Variants in PBX4 observed in about 807,000 individuals in gnomAD.
PBX4 encodes the protein pre-B-cell leukemia transcription factor 4.
In PBX4, 26 loss-of-function variants were observed where a neutral mutation model predicts 35.1. That is an observed-to-expected ratio of 0.74 (90% CI 0.54 to 1.03). The LOEUF (loss-of-function observed/expected upper bound fraction) is 1.03, where lower values mean the gene tolerates loss of function less well. Among genes scored for constraint, PBX4 ranks in the 50% least tolerant of loss-of-function variants. PBX4 has a pLI of 0.00. For missense variants in PBX4, 448 were observed against 504.3 expected, an observed-to-expected ratio of 0.89 and a Z score of 1.07; for synonymous variants, 199 against 204.2, an observed-to-expected ratio of 0.97 and a Z score of 0.22.
chr19:19,561,895 G>A lies in PBX4; in HGVS notation c.*130C>T. On this transcript the variant is annotated 3_prime_UTR_variant, in exon 8 of 8. Transcript: ENST00000251203. ...AGCCGGCGCCACGGGCCTGGCTGAG[G>A]AGCAGGGGCTCATGGGCACCACCAC... is the stretch of plus-strand genomic sequence containing the variant. The A allele has an allele frequency of 1.4e-6, 1 of 702,268 alleles. No homozygotes were observed. The highest frequency in any genetic ancestry group is 2.0e-5 in the South Asian group (1 of 48,908). 43.5% of individuals were successfully genotyped at this position (702,268 alleles called of 1,614,324 possible).
intron 2 of PBX4, among the ~76,000 whole-genome samples, chr19:19,574,218 AC>A (rs1371849804): frequency 6.6e-6 from 1 of 152,148 alleles, no homozygotes; most frequent in Non-Finnish European, 1.5e-5. Context: ...AAAAATCATC[AC>A]CAGGAATGAG....
chr19:19,599,954 C>G (rs1384590788), intron 1 of PBX4, among the ~76,000 whole-genome samples: 1 of 138,526 alleles, frequency 7.2e-6, no homozygotes, highest in Non-Finnish European at 1.5e-5. Flanking sequence ...GCCTAAGTGA[C>G]AGAGTGAGAC....
chr19:19,590,588 C>A (rs1351164335), intron 2 of PBX4, among the ~76,000 whole-genome samples: 1 of 151,926 alleles, frequency 6.6e-6, no homozygotes, highest in Non-Finnish European at 1.5e-5. Flanking sequence ...CGCGCCTCAG[C>A]CTCCCGATTA....
chr19:19,590,408 C>T (rs943476176), intron 2 of PBX4, among the ~76,000 whole-genome samples: 3 of 152,110 alleles, frequency 2.0e-5, no homozygotes, highest in African/African-American at 7.2e-5. Context: ...ATACTTCATT[C>T]CTCTTTATGG....
chr19:19,585,119 T>A (rs989345325), intron 2 of PBX4, among the ~76,000 whole-genome samples: 1 of 151,902 alleles, frequency 6.6e-6, no homozygotes, highest in Non-Finnish European at 1.5e-5. Flanking sequence ...TTCTGTTCTC[T>A]GAGGCAGACC....
At position 19,602,737 on chromosome 19, in the gene PBX4, G is replaced by GTTT. The variant is rs112277891; in HGVS notation, c.120-3375_120-3373dup. On this transcript the variant is annotated intron_variant, in intron 1 of 7. Coordinates refer to ENST00000251203, the MANE Select transcript of PBX4 (RefSeq NM_025245.3). ...GGCATGAGCCTGGACTATTAATTAT[G>GTTT]TTTTTTTTTTATCTTGCTTTGACAT... is the stretch of plus-strand genomic sequence containing the variant. Among the ~76,000 whole-genome samples the GTTT allele has an allele frequency of 3.1e-3, 460 of 150,552 alleles. 4 individuals are homozygous for GTTT. Among genetic ancestry groups the GTTT allele is most frequent in the African/African-American group, 0.01 (425 of 41,082 alleles).
Position 19,591,685 on chromosome 19 carries a change from C to T in PBX4, c.193+7607G>A, listed in dbSNP as rs774590721. 3.9e-5 allele frequency among the ~76,000 whole-genome samples: 6 copies of T among 152,258 alleles called. No homozygotes were observed. The East Asian group carries it at 7.7e-4, about 20-fold the overall frequency. The stretch of plus-strand genomic sequence containing the variant: ...ACCGCCTCGGAGCTGCCTACCCACT[C>T]GAGATCTGAGATCCGAAGCTTTTCA... On this transcript the variant is annotated intron_variant, in intron 2 of 7. Coordinates refer to ENST00000251203, the MANE Select transcript of PBX4 (RefSeq NM_025245.3).
intron 2 of PBX4, among the ~76,000 whole-genome samples, chr19:19,572,208 G>A (rs892469670): frequency 1.3e-5 from 2 of 150,862 alleles, no homozygotes; most frequent in African/African-American, 4.9e-5. Context: ...CCGAGTAGCT[G>A]GGACTACACA....
In PBX4 at chr19:19,595,963, T is replaced by C. The variant is rs535216803; in HGVS notation, c.193+3329A>G. 7.9e-5 allele frequency among the ~76,000 whole-genome samples: 12 copies of C among 152,282 alleles called. No individual in the cohort carries two copies. In the East Asian group the frequency reaches 2.1e-3, roughly 27 times the overall value. ...AGATATTGGAGTGGGCCAGGTACAGTGGCTCATGCATGTAATCCCAGCACT... is the reference window on the plus strand; with the variant it reads ...AGATATTGGAGTGGGCCAGGTACAGCGGCTCATGCATGTAATCCCAGCACT... On this transcript the variant is annotated intron_variant, in intron 2 of 7. Transcript: ENST00000251203.
chr19:19,565,746 C>T (rs1469720614), intron 5 of PBX4, among the ~76,000 whole-genome samples: 1 of 151,804 alleles, frequency 6.6e-6, no homozygotes, highest in African/African-American at 2.4e-5. Flanking sequence ...GGAGAAACCC[C>T]ATCTCTACTA....
At chr19:19,571,613 G>A (rs1022473087) in intron 2 of PBX4, among the ~76,000 whole-genome samples, 1 of 152,156 alleles carries the variant, frequency 6.6e-6, no homozygotes, top group African/African-American at 2.4e-5. Flanking sequence ...TGGGACACGG[G>A]TGTCAGAGAA....
intron 2 of PBX4, among the ~76,000 whole-genome samples, chr19:19,583,209 G>A (rs1258084641): frequency 1.3e-5 from 2 of 152,146 alleles, no homozygotes; most frequent in East Asian, 1.9e-4. Flanking sequence ...AACCTGGGAG[G>A]TGGAGCTTGC....
intron 2 of PBX4, among the ~76,000 whole-genome samples, chr19:19,585,822 C>T (rs1022065690): frequency 6.6e-6 from 1 of 152,164 alleles, no homozygotes; most frequent in African/African-American, 2.4e-5. Flanking sequence ...CTCCTAACTT[C>T]ACCGCCTATC....
Position 19,569,460 on chromosome 19 carries a change from T to A in PBX4, c.757A>T (p.Thr253Ser), listed in dbSNP as rs547605373. The A allele has an allele frequency of 1.1e-5, 18 of 1,611,462 alleles. No homozygotes were observed. In the South Asian group the frequency reaches 2.0e-4, roughly 18 times the overall value. ...GGAGAGAACGTCACCTGGGAGATGGTGAGGCCGCCCTTCCTGGCCAGCTCT... is the reference window on the plus strand; with the variant it reads ...GGAGAGAACGTCACCTGGGAGATGGAGAGGCCGCCCTTCCTGGCCAGCTCT... ...KEELARKGGL[T>S]ISQVSNWFGN... Residue 253 changes from threonine to serine, a missense_variant, in exon 5 of 8, where the codon ACC becomes TCC. Transcript: ENST00000251203.
At chr19:19,576,395 T>G (rs1239042724) in intron 2 of PBX4, among the ~76,000 whole-genome samples, 1 of 152,022 alleles carries the variant, frequency 6.6e-6, no homozygotes, top group African/African-American at 2.4e-5. Flanking sequence ...CCAGCTAATT[T>G]TTGTATATTT....
intron 1 of PBX4, among the ~76,000 whole-genome samples, chr19:19,602,930 C>T (rs1462985299): frequency 1.3e-5 from 2 of 152,174 alleles, no homozygotes; most frequent in Non-Finnish European, 2.9e-5. Context: ...ATTTCCCAGC[C>T]CTAAATCACC....
At position 19,594,587 on chromosome 19, in the gene PBX4, A is replaced by G. The variant is rs1473613683; in HGVS notation, c.193+4705T>C. On this transcript the variant is annotated intron_variant, in intron 2 of 7. Coordinates refer to ENST00000251203, the MANE Select transcript of PBX4 (RefSeq NM_025245.3). ...AACAGACTCATGCAGTAACATCCAC[A>G]CAGGGGCAGATGGAATTATGAAGAG... Among the ~76,000 whole-genome samples, 16 of 152,222 alleles carry G rather than the reference A, an allele frequency of 1.1e-4. No individual in the cohort carries two copies. In the East Asian group the frequency reaches 3.1e-3, roughly 29 times the overall value.
At chr19:19,594,615 G>A (rs559631070) in intron 2 of PBX4, among the ~76,000 whole-genome samples, 5 of 152,222 alleles carry the variant, frequency 3.3e-5, no homozygotes, top group Admixed American at 6.6e-5. Context: ...ATGAAGAGGC[G>A]TGCCCAGGCT....
Position 19,571,742 on chromosome 19 carries a change from T to C in PBX4, c.194-909A>G, listed in dbSNP as rs375690054. 2.6e-4 allele frequency among the ~76,000 whole-genome samples: 40 copies of C among 152,160 alleles called. 1 individual carries two copies. The highest frequency in any genetic ancestry group is 9.1e-4 in the African/African-American group (38 of 41,534). On this transcript the variant is annotated intron_variant, in intron 2 of 7. Transcript: ENST00000251203. Reference sequence around the variant, plus strand: ...GTGCAGGTGGGGCTGAGTGAAAAGGTGGCTTCACGGCCGGGCACAGTGGCT... The same window carrying C: ...GTGCAGGTGGGGCTGAGTGAAAAGGCGGCTTCACGGCCGGGCACAGTGGCT...
Sources: gnomAD v4.1 joint callset for allele counts (sites outside exome capture counted in the v4.1 genomes callset) on GRCh38, gnomAD v4.1.1 for gene constraint, MANE v1.5 for transcripts, NCBI Gene and HGNC (gene_info 2026-07-23, HGNC 2026-07-21) for gene names.